Variants in RUNX2 observed in about 807,000 individuals in gnomAD.
RUNX2 encodes the protein RUNX family transcription factor 2.
RUNX2 carries 10 observed loss-of-function variants against 51.7 expected under a neutral mutation model. The observed-to-expected ratio is 0.19, with a 90% CI of 0.12 to 0.33. RUNX2 has a LOEUF of 0.33. Among genes scored for constraint, RUNX2 ranks in the 10% least tolerant of loss-of-function variants. RUNX2 has a pLI of 1.00. For missense variants in RUNX2, 562 were observed against 691.3 expected (o/e 0.81, Z 2.10); for synonymous variants, 276 against 273.6 (o/e 1.01, Z -0.09).
chr6:45,478,997 C>T (rs572902498), intron 5 of RUNX2, among the ~76,000 whole-genome samples: 23 of 152,148 alleles, frequency 1.5e-4, no homozygotes, highest in Admixed American at 6.5e-4. Context: ...AAGCTGTTCT[C>T]CTGCCTCAGC....
At chr6:45,359,351 CT>C (rs527637089) in intron 2 of RUNX2, among the ~76,000 whole-genome samples, 84 of 152,194 alleles carry the variant, frequency 5.5e-4, no homozygotes, top group Middle Eastern at 6.9e-3. Flanking sequence ...GGAAATCTGC[CT>C]TTATACATAT....
intron 2 of RUNX2, among the ~76,000 whole-genome samples, chr6:45,419,759 C>T (rs776233734): frequency 6.6e-6 from 1 of 152,182 alleles, no homozygotes; most frequent in Non-Finnish European, 1.5e-5. Flanking sequence ...TCCAGTTGGT[C>T]CGGTCTGGCT....
At position 45,536,187 on chromosome 6, in the gene RUNX2, G is replaced by T. The variant is rs370124836; in HGVS notation, c.1022-9030G>T. On this transcript the variant is annotated intron_variant, in intron 7 of 8. Coordinates refer to ENST00000647337, the MANE Select transcript of RUNX2 (RefSeq NM_001024630.4). The stretch of plus-strand genomic sequence containing the variant: ...AGCCAGCTTCTGTCACAACCCGGAA[G>T]CCCCTTATGTATTTCCTCCTGGGGC... Among the ~76,000 whole-genome samples, 13 of 152,058 alleles carry T rather than the reference G, an allele frequency of 8.5e-5. 1 individual carries two copies. The South Asian group carries it at 2.7e-3, about 32-fold the overall frequency.
intron 2 of RUNX2, 33 bp from the exon 3 acceptor site, chr6:45,422,560 A>G: frequency 1.5e-6 from 2 of 1,359,570 alleles, no homozygotes; most frequent in East Asian, 4.6e-5. Flanking sequence ...CCACTTCGCT[A>G]ACTTGTGGCT....
intron 7 of RUNX2, among the ~76,000 whole-genome samples, chr6:45,539,934 G>T (rs953518137): frequency 4.6e-5 from 7 of 152,194 alleles, no homozygotes; most frequent in Admixed American, 1.3e-4. Flanking sequence ...AATGTCCAAG[G>T]TTAGTTTGGT....
chr6:45,483,740 T>C (rs541921308), intron 5 of RUNX2, among the ~76,000 whole-genome samples: 144 of 152,324 alleles, frequency 9.5e-4, no homozygotes, highest in Non-Finnish European at 1.4e-3. Context: ...AACAATGTGA[T>C]GACCAAGTTG....
chr6:45,487,163 T>A (rs1486519898), intron 5 of RUNX2, among the ~76,000 whole-genome samples: 1 of 152,188 alleles, frequency 6.6e-6, no homozygotes, highest in Non-Finnish European at 1.5e-5. Flanking sequence ...AAACCACTTT[T>A]TTGTTTTTAA....
chr6:45,465,316 T>C (rs1205413872), intron 5 of RUNX2, among the ~76,000 whole-genome samples: 1 of 152,202 alleles, frequency 6.6e-6, no homozygotes, highest in African/African-American at 2.4e-5. Context: ...ATATGACAAC[T>C]CTTATTTCAT....
chr6:45,454,911 C>T (rs1260767844), intron 5 of RUNX2, among the ~76,000 whole-genome samples: 7 of 152,054 alleles, frequency 4.6e-5, no homozygotes, highest in African/African-American at 1.2e-4. Context: ...GTCAGGAGTT[C>T]GAGACCAGCC....
At chr6:45,469,003 G>A (rs996604703) in intron 5 of RUNX2, among the ~76,000 whole-genome samples, 1 of 152,122 alleles carries the variant, frequency 6.6e-6, no homozygotes, top group Non-Finnish European at 1.5e-5. Context: ...CTTTTGATTT[G>A]AATATATTTC....
chr6:45,431,820 T>C, intron 3 of RUNX2, 43 bp from the exon 4 acceptor site: 1 of 1,606,958 alleles, frequency 6.2e-7, no homozygotes, highest in Non-Finnish European at 8.5e-7. Flanking sequence ...TGTAAGCCTT[T>C]CTGATGTGCC....
chr6:45,476,306 A>G (rs1456195861), intron 5 of RUNX2, among the ~76,000 whole-genome samples: 1 of 152,164 alleles, frequency 6.6e-6, no homozygotes, highest in Non-Finnish European at 1.5e-5. Flanking sequence ...GTGGTCAGCT[A>G]TACTGCCCCA....
intron 2 of RUNX2, among the ~76,000 whole-genome samples, chr6:45,375,744 A>G (rs1563052701): frequency 6.6e-6 from 1 of 152,138 alleles, no homozygotes; most frequent in Non-Finnish European, 1.5e-5. Context: ...GGCCAAGGTT[A>G]AGGGTGCTAC....
chr6:45,336,972 T>A (rs921293176), intron 2 of RUNX2, among the ~76,000 whole-genome samples: 1 of 151,668 alleles, frequency 6.6e-6, no homozygotes, highest in East Asian at 1.9e-4. Flanking sequence ...AAACTTGCTG[T>A]GAAAACAGTG....
rs1235041904 is a variant in RUNX2, at chr6:45,547,093, G to C, written c.1354G>C (p.Gly452Arg). 11 of 1,614,098 alleles carry C rather than the reference G, an allele frequency of 6.8e-6. No homozygotes were observed. The highest frequency in any genetic ancestry group is 9.3e-6 in the Non-Finnish European group (11 of 1,180,022). Residue 452 changes from glycine (G) to arginine (R), a missense_variant, in exon 9 of 9, where the codon GGA (glycine) becomes CGA (arginine). Physicochemically the swap from Gly to Arg is moderately radical, Grantham distance 125. Transcript: ENST00000647337. ...TPYLYYGTSS[G>R]SYQFPMVPGG... Reference sequence around the variant, plus strand: ...ATATCTCTACTATGGCACTTCGTCAGGATCCTATCAGTTTCCCATGGTGCC... The same window carrying C: ...ATATCTCTACTATGGCACTTCGTCACGATCCTATCAGTTTCCCATGGTGCC...
At chr6:45,489,841 AGG>A (rs1800407499) in intron 5 of RUNX2, among the ~76,000 whole-genome samples, 1 of 152,212 alleles carries the variant, frequency 6.6e-6, no homozygotes, top group Admixed American at 6.5e-5. Context: ...CCATTTGTTT[AGG>A]GTAATGGGTG....
chr6:45,421,387 G>C (rs1187506364), intron 2 of RUNX2: 1 of 150,678 alleles, frequency 6.6e-6, no homozygotes, highest in East Asian at 1.9e-4. Flanking sequence ...ATTTTGACTA[G>C]ATCTCCCTCC....
chr6:45,460,356 C>G (rs1475524882), intron 5 of RUNX2, among the ~76,000 whole-genome samples: 1 of 152,082 alleles, frequency 6.6e-6, no homozygotes, highest in Non-Finnish European at 1.5e-5. Context: ...TTTTGCTGAC[C>G]AAGGACTGTC....
At chr6:45,379,892 C>G (rs995511253) in intron 2 of RUNX2, among the ~76,000 whole-genome samples, 2 of 151,564 alleles carry the variant, frequency 1.3e-5, no homozygotes, top group African/African-American at 4.8e-5. Flanking sequence ...TCACGCACAA[C>G]AAAAGTTAAT....
Sources: gnomAD v4.1 joint callset for allele counts (sites outside exome capture counted in the v4.1 genomes callset) on GRCh38, gnomAD v4.1.1 for gene constraint, MANE v1.5 for transcripts, NCBI Gene and HGNC (gene_info 2026-07-23, HGNC 2026-07-21) for gene names.